Variants in CRTC1 observed in about 807,000 individuals in gnomAD.
CRTC1 encodes CREB regulated transcription coactivator 1.
In CRTC1, 18 loss-of-function variants were observed where a neutral mutation model predicts 66.1. That is an observed-to-expected ratio of 0.27 (90% CI 0.19 to 0.40). The LOEUF (loss-of-function observed/expected upper bound fraction) is 0.40. Among genes scored for constraint, CRTC1 ranks in the 10% least tolerant of loss-of-function variants. The probability of loss-of-function intolerance (pLI) is 1.00; values close to 1 mark genes in which losing one functional copy is unlikely to be tolerated. For missense variants in CRTC1, 669 were observed against 887.9 expected, an observed-to-expected ratio of 0.75 and a Z score of 3.13; for synonymous variants, 416 against 398.8, an observed-to-expected ratio of 1.04 and a Z score of -0.51.
intron 1 of CRTC1, among the ~76,000 whole-genome samples, chr19:18,697,833 G>T (rs970900698): frequency 6.6e-6 from 1 of 152,276 alleles, no homozygotes; most frequent in Non-Finnish European, 1.5e-5. Context: ...CATTTGGCAG[G>T]CATCCAACAG....
rs58104974 is a variant in CRTC1, at chr19:18,706,182, C to CTTTTTTTTTTTTTTTTTTTTTTT, written c.126+22373_126+22395dup. Among the ~76,000 whole-genome samples, 2 of 18,676 alleles carry CTTTTTTTTTTTTTTTTTTTTTTT rather than the reference C, an allele frequency of 1.1e-4. 1 individual carries two copies. The highest frequency in any genetic ancestry group is 2.2e-4 in the Non-Finnish European group (2 of 9,216). 12.3% of individuals were successfully genotyped at this position (18,676 alleles called of 152,430 possible). A position where few individuals can be genotyped will look rare whatever the true frequency, so the allele number is the denominator to read the frequency against. ...GGGCTTTCTATTCTATTCCATTGGTCTTTTTTTTTTTTTTTTTTTTTTTTT... is the reference window on the plus strand; with the variant it reads ...GGGCTTTCTATTCTATTCCATTGGTCTTTTTTTTTTTTTTTTTTTTTTTTTTTTTTTTTTTTTTTTTTTTTTTT... On this transcript the variant is annotated intron_variant, in intron 1 of 13. Transcript: ENST00000321949.
chr19:18,747,916 A>C (rs1343278870), intron 4 of CRTC1, among the ~76,000 whole-genome samples: 1 of 152,110 alleles, frequency 6.6e-6, no homozygotes, highest in African/African-American at 2.4e-5. Flanking sequence ...ATCTTTACAA[A>C]AAATGAGAGA....
chr19:18,692,344 C>T (rs1461319439), intron 1 of CRTC1, among the ~76,000 whole-genome samples: 1 of 152,216 alleles, frequency 6.6e-6, no homozygotes, highest in African/African-American at 2.4e-5. Flanking sequence ...TTCCTTGCCA[C>T]TGGCTAAAGT....
rs1031115416 is a variant in CRTC1 at position 18,768,934 on chromosome 19, C to T, written c.1320+141C>T. 23 of 1,057,772 alleles carry T rather than the reference C, an allele frequency of 2.2e-5. No individual in the cohort carries two copies. The highest frequency in any genetic ancestry group is 6.3e-5 in the Admixed American group (2 of 31,992). 65.5% of individuals were successfully genotyped at this position (1,057,772 alleles called of 1,614,324 possible). ...AACGCTGCCTGGGCCCACCTCTCCA[C>T]GGGGCTACCCCTTGGAATCAAACTG... is the stretch of plus-strand genomic sequence containing the variant. On this transcript the variant is annotated intron_variant, in intron 10 of 13. Transcript: ENST00000321949. This position sits in a 1 kb window ranked among gnomAD's most constrained non-coding sequence, Gnocchi z 5.6.
At chr19:18,737,661 T>C (rs1428831749) in intron 1 of CRTC1, among the ~76,000 whole-genome samples, 1 of 152,000 alleles carries the variant, frequency 6.6e-6, no homozygotes, top group Admixed American at 6.6e-5. Flanking sequence ...GAGCCACGCA[T>C]GTCTACTCAT....
intron 1 of CRTC1, among the ~76,000 whole-genome samples, chr19:18,709,070 G>A (rs1600804292): frequency 1.3e-5 from 2 of 152,182 alleles, no homozygotes; most frequent in Non-Finnish European, 2.9e-5. Context: ...GCTCGGAGGT[G>A]CAGGGTCCCA....
At chr19:18,761,952 G>A (rs991540426) in intron 8 of CRTC1, among the ~76,000 whole-genome samples, 2 of 152,170 alleles carry the variant, frequency 1.3e-5, no homozygotes, top group African/African-American at 4.8e-5. Flanking sequence ...TGGACAGAGG[G>A]CACCAGAGAA....
chr19:18,746,755 CT>C (rs945377242), intron 3 of CRTC1, among the ~76,000 whole-genome samples: 1 of 152,176 alleles, frequency 6.6e-6, no homozygotes. Context: ...ACAGGCCCTA[CT>C]TTCACAGCCC....
chr19:18,700,259 A>C lies in CRTC1; in HGVS notation c.126+16431A>C, dbSNP rs115548774. ...GGTGCGGTGAGGCCCAGAGGGGCTGAGTCTGCTTGGAAGGGTGGGCCTTCT... is the reference window on the plus strand; with the variant it reads ...GGTGCGGTGAGGCCCAGAGGGGCTGCGTCTGCTTGGAAGGGTGGGCCTTCT... On this transcript the variant is annotated intron_variant, in intron 1 of 13. Transcript: ENST00000321949. 6.0e-3 allele frequency among the ~76,000 whole-genome samples: 910 copies of C among 152,236 alleles called. 19 individuals carry two copies. The highest frequency in any genetic ancestry group is 0.021 in the African/African-American group (860 of 41,548).
chr19:18,689,968 T>C (rs888367406), intron 1 of CRTC1, among the ~76,000 whole-genome samples: 11 of 151,552 alleles, frequency 7.3e-5, no homozygotes, highest in Non-Finnish European at 1.6e-4. Context: ...GAGCATCCGC[T>C]GCAGGTGTCC....
intron 1 of CRTC1, among the ~76,000 whole-genome samples, chr19:18,696,294 A>AGGGGC (rs140473387): frequency 0.065 from 9,861 of 151,960 alleles, 447 homozygotes; most frequent in East Asian, 0.23. Context: ...GTGCCGAGGA[A>AGGGGC]GGGGCCCTCA....
intron 1 of CRTC1, among the ~76,000 whole-genome samples, chr19:18,728,450 A>C (rs910240692): frequency 6.6e-6 from 1 of 152,172 alleles, no homozygotes; most frequent in East Asian, 1.9e-4. Context: ...AAGTCACTTG[A>C]AAAAGCAGTC....
At chr19:18,685,753 CT>C (rs1201562528) in intron 1 of CRTC1, among the ~76,000 whole-genome samples, 1 of 152,152 alleles carries the variant, frequency 6.6e-6, no homozygotes, top group Non-Finnish European at 1.5e-5. Context: ...GTGGCCACTT[CT>C]TTTTGTCTCC....
In CRTC1 at chr19:18,768,844, A is replaced by G. The variant is rs1226953687; in HGVS notation, c.1320+51A>G. Reference sequence around the variant, plus strand: ...GGCCTGACTGGGGGTCTTGTAGAGGACAGCCCGGGGGCTGCAGAACAGTCG... The same window carrying G: ...GGCCTGACTGGGGGTCTTGTAGAGGGCAGCCCGGGGGCTGCAGAACAGTCG... On this transcript the variant is annotated intron_variant, in intron 10 of 13. Coordinates refer to ENST00000321949, the MANE Select transcript of CRTC1 (RefSeq NM_015321.3). This position sits in a 1 kb window ranked among gnomAD's most constrained non-coding sequence, Gnocchi z 5.6. The G allele has an allele frequency of 1.4e-5, 22 of 1,540,932 alleles. No individual in the cohort carries two copies. Among genetic ancestry groups the G allele is most frequent in the Non-Finnish European group, 1.7e-5 (20 of 1,144,394 alleles).
At chr19:18,693,626 C>T (rs1364974189) in intron 1 of CRTC1, among the ~76,000 whole-genome samples, 10 of 151,450 alleles carry the variant, frequency 6.6e-5, no homozygotes, top group East Asian at 2.0e-4. Context: ...GGGCTACAGG[C>T]GTCCACCACC....
Position 18,765,440 on chromosome 19 carries a change from C to T in CRTC1, c.923C>T (p.Pro308Leu). 1 of 1,613,074 alleles carries T rather than the reference C, an allele frequency of 6.2e-7. No individual in the cohort carries two copies. ...CCTGGCTCCTCTCCACAGCACCGCC[C>T]AGCTGGCGTCAGCCCCCTGTCCCTG... ...STPGSSPQHRPAGVSPLSLST... is the reference protein window; with the variant it reads ...STPGSSPQHRLAGVSPLSLST... Residue 308 changes from proline (P) to leucine (L), a missense_variant, in exon 9 of 14, where the codon CCA becomes CTA. Pro to Leu is a moderately conservative substitution (Grantham distance 98, BLOSUM62 -3). Around this residue, in one of 8 missense-constraint regions of CRTC1, gnomAD observed 241 missense variants for 242.2 expected, o/e 0.99. Transcript: ENST00000321949.
At chr19:18,721,122 A>G (rs1411224693) in intron 1 of CRTC1, among the ~76,000 whole-genome samples, 1 of 150,788 alleles carries the variant, frequency 6.6e-6, no homozygotes, top group African/African-American at 2.4e-5. Flanking sequence ...ACCTCCTCTC[A>G]CTGTGTCTCT....
intron 1 of CRTC1, among the ~76,000 whole-genome samples, chr19:18,732,980 G>T (rs913054662): frequency 6.6e-6 from 1 of 151,786 alleles, no homozygotes; most frequent in Non-Finnish European, 1.5e-5. Context: ...CCAACTACTC[G>T]GGAGGCTGAG....
intron 1 of CRTC1, among the ~76,000 whole-genome samples, chr19:18,711,873 C>T (rs1306675385): frequency 2.6e-5 from 4 of 152,346 alleles, no homozygotes; most frequent in African/African-American, 4.8e-5. Context: ...CCCACACTGC[C>T]AGAACCTTGG....
Sources: allele counts gnomAD v4.1 joint callset (sites outside exome capture counted in the v4.1 genomes callset), GRCh38; gene constraint gnomAD v4.1.1; regional missense constraint gnomAD v4.1.1; non-coding constraint Gnocchi (gnomAD v3.1); transcripts MANE v1.5; gene names NCBI Gene and HGNC (gene_info 2026-07-23, HGNC 2026-07-21).